MS4A6E: variants seen among roughly 807,000 people sequenced by gnomAD.
The protein encoded by MS4A6E is membrane-spanning 4-domains subfamily A member 6E.
A neutral mutation model predicts 13.2 loss-of-function variants in MS4A6E; 8 were observed. The observed-to-expected ratio is 0.60, with a 90% confidence interval of 0.35 to 1.09. The LOEUF is 1.09. Among genes scored for constraint, MS4A6E ranks in the 50% least tolerant of loss-of-function variants. The pLI, the probability that MS4A6E is intolerant of heterozygous loss-of-function variation, is 0.02. For synonymous variants in MS4A6E, 72 were observed against 67.6 expected, an observed-to-expected ratio of 1.06 and a Z score of -0.32; for missense variants, 177 against 171.1, an observed-to-expected ratio of 1.03 and a Z score of -0.19.
At chr11:60,343,378 C>T (rs142812260), downstream of MS4A6E, among the ~76,000 whole-genome samples, 1 of 152,080 alleles carries the variant, frequency 6.6e-6, no homozygotes, top group Non-Finnish European at 1.5e-5. Context: ...ATTAATTCTA[C>T]TATAAAGATT....
downstream of MS4A6E, among the ~76,000 whole-genome samples, chr11:60,346,221 A>C (rs1434314580): frequency 6.6e-6 from 1 of 152,174 alleles, no homozygotes; most frequent in Admixed American, 6.5e-5. Flanking sequence ...TCCTTCTTAA[A>C]GTGCCCTGAC....
rs1415943658 is a variant in MS4A6E at position 60,332,738 on chromosome 11, G to A, written c.-14-2144G>A. Among the ~76,000 whole-genome samples, 6 of 152,108 alleles carry A rather than the reference G, an allele frequency of 3.9e-5. No homozygotes were observed. The East Asian group carries it at 1.2e-3, about 29-fold the overall frequency. On this transcript the variant is annotated intron_variant, in intron 1 of 4. Coordinates refer to ENST00000684409, the MANE Select transcript of MS4A6E (RefSeq NM_139249.4). ...TTAGTTGACCCAAAATCATAATTTG[G>A]ACAGAGATATTTCAAGACATTTTCA...
At chr11:60,337,026 A>C (rs1475087822) in intron 2 of MS4A6E, among the ~76,000 whole-genome samples, 1 of 152,050 alleles carries the variant, frequency 6.6e-6, no homozygotes, top group Non-Finnish European at 1.5e-5. Flanking sequence ...CCAGGCCTTT[A>C]TTCTGTACCT....
chr11:60,344,892 GTTTT>G (rs1282639871), downstream of MS4A6E, among the ~76,000 whole-genome samples: 2 of 141,726 alleles, frequency 1.4e-5, no homozygotes, highest in Non-Finnish European at 3.1e-5. Flanking sequence ...TTTCCTGGTG[GTTTT>G]TGTTTGTTTG....
chr11:60,338,898 G>C (rs1429672993), intron 3 of MS4A6E, among the ~76,000 whole-genome samples: 2 of 152,158 alleles, frequency 1.3e-5, no homozygotes, highest in African/African-American at 2.4e-5. Flanking sequence ...ATGCAAATGA[G>C]GCTGACAGTA....
downstream of MS4A6E, among the ~76,000 whole-genome samples, chr11:60,342,170 T>TGTGG (rs2085229739): frequency 3.1e-5 from 1 of 31,856 alleles, no homozygotes; most frequent in Admixed American, 4.1e-4. Flanking sequence ...TGTGTGTGTG[T>TGTGG]GTGTGTGTGA....
chr11:60,329,116 T>C (rs896435025), intron 1 of MS4A6E, among the ~76,000 whole-genome samples: 1 of 152,138 alleles, frequency 6.6e-6, no homozygotes, highest in Non-Finnish European at 1.5e-5. Context: ...CTACATTAGG[T>C]ATTTCTCCTA....
downstream of MS4A6E, among the ~76,000 whole-genome samples, chr11:60,344,083 A>G (rs979999079): frequency 6.6e-6 from 1 of 152,204 alleles, no homozygotes; most frequent in Admixed American, 6.5e-5. Context: ...TACATGCTCA[A>G]CCAACTCAGA....
At position 60,339,876 on chromosome 11, in the gene MS4A6E, C is replaced by G; in HGVS notation, c.365C>G (p.Ser122Cys). The change falls in exon 4 of 5, where the codon TCT (serine) becomes TGT (cysteine). Residue 122 changes from serine to cysteine, a missense_variant. By Grantham distance (112) the Ser-to-Cys change is moderately radical. Transcript: ENST00000684409. ...RAKASLAGTL[S>C]LMLVSTVLEF... ...TTTCTTGACTTTCAGGGAACTCTGT[C>G]TCTGATGCTGGTTTCTACTGTGTTG... The G allele has an allele frequency of 6.2e-7, 1 of 1,613,646 alleles. No individual in the cohort carries two copies. Among genetic ancestry groups the G allele is most frequent in the African/African-American group, 1.3e-5 (1 of 75,024 alleles).
In MS4A6E at chr11:60,334,867, T is replaced by C; in HGVS notation, c.-14-15T>C. 16 of 1,611,778 alleles carry C rather than the reference T, an allele frequency of 9.9e-6. No individual in the cohort carries two copies. Among genetic ancestry groups the C allele is most frequent in the Non-Finnish European group, 1.4e-5 (16 of 1,178,538 alleles). On this transcript the variant is annotated splice_polypyrimidine_tract_variant and intron_variant, in intron 1 of 4. Transcript: ENST00000684409. ...TCTGTACTTTTAAGAGCTAAATCTA[T>C]TTTTTCTTCCGTAGTTGGCAACACC... is the stretch of plus-strand genomic sequence containing the variant.
At position 60,340,902 on chromosome 11, in the gene MS4A6E, A is replaced by T. The variant is rs1318892094; in HGVS notation, c.*136A>T. The T allele has an allele frequency of 1.9e-5, 3 of 154,298 alleles. No homozygotes were observed. The Admixed American group carries it at 1.9e-4, about 10-fold the overall frequency. The allele number at this position is 154,298 out of a possible 1,614,324, so 9.6% of individuals were successfully genotyped here. On this transcript the variant is annotated 3_prime_UTR_variant, in exon 5 of 5. Transcript: ENST00000684409. ...ATAATATGGAAAACCTAACCATTATAAAAAAGCAAACTTGAGTTTCCTAAA... is the reference window on the plus strand; with the variant it reads ...ATAATATGGAAAACCTAACCATTATTAAAAAGCAAACTTGAGTTTCCTAAA...
At position 60,334,976 on chromosome 11, in the gene MS4A6E, C is replaced by T. The variant is rs753647961; in HGVS notation, c.81C>T (p.Pro27=). The change falls in exon 2 of 5, where the codon CCC becomes CCT. Residue 27 remains proline (P), a synonymous_variant. Transcript: ENST00000684409. ...NVINFSQAEK[P]EPTNQGQDSL... ...TCAACTTCTCCCAAGCAGAGAAACC[C>T]GAACCCACCAACCAGGGGCAGGATA... 1.9e-5 allele frequency: 30 copies of T among 1,614,122 alleles called. No individual in the cohort carries two copies. Among genetic ancestry groups the T allele is most frequent in the South Asian group, 9.9e-5 (9 of 91,076 alleles).
intron 4 of MS4A6E, among the ~76,000 whole-genome samples, chr11:60,346,604 G>GAA (rs2085256927): frequency 6.6e-6 from 1 of 152,164 alleles, no homozygotes; most frequent in South Asian, 2.1e-4. Context: ...GGACAGTTTA[G>GAA]AATAATTAAA....
In MS4A6E at chr11:60,341,121, A is replaced by G. The variant is rs1005127156; in HGVS notation, c.*355A>G. On this transcript the variant is annotated 3_prime_UTR_variant, in exon 5 of 5. Coordinates refer to ENST00000684409, the MANE Select transcript of MS4A6E (RefSeq NM_139249.4). ...GAAAACTAGGCAGAATGATGATTCA[A>G]TGGATCACAGTGAGGCAAAGGATAC... 9.8e-5 allele frequency among the ~76,000 whole-genome samples: 15 copies of G among 152,292 alleles called. No homozygotes were observed. The highest frequency in any genetic ancestry group is 6.5e-4 in the Admixed American group (10 of 15,286).
At chr11:60,343,262 C>G (rs2085239784), downstream of MS4A6E, among the ~76,000 whole-genome samples, 1 of 152,198 alleles carries the variant, frequency 6.6e-6, no homozygotes, top group Admixed American at 6.5e-5. Flanking sequence ...ACCTGTTAGC[C>G]ATTTTAATGG....
intron 1 of MS4A6E, among the ~76,000 whole-genome samples, chr11:60,331,651 C>T (rs1244513529): frequency 6.6e-6 from 1 of 152,136 alleles, no homozygotes; most frequent in Admixed American, 6.5e-5. Context: ...AACATAATAA[C>T]AGTTTATTTC....
downstream of MS4A6E, among the ~76,000 whole-genome samples, chr11:60,345,097 G>A (rs2085249947): frequency 1.3e-5 from 2 of 151,940 alleles, no homozygotes; most frequent in African/African-American, 4.8e-5. Context: ...ACCACACCAG[G>A]CTAATTTTTT....
chr11:60,328,874 C>T (rs1022548242), intron 1 of MS4A6E, among the ~76,000 whole-genome samples: 10 of 152,000 alleles, frequency 6.6e-5, no homozygotes, highest in South Asian at 2.1e-4. Flanking sequence ...AGTACAAAGA[C>T]GATAGTTAAT....
At chr11:60,331,070 A>G (rs77655138) in intron 1 of MS4A6E, among the ~76,000 whole-genome samples, 1 of 152,164 alleles carries the variant, frequency 6.6e-6, no homozygotes, top group Non-Finnish European at 1.5e-5. Context: ...CTCTATATGT[A>G]TCTCATAATA....
Sources: gnomAD v4.1 joint callset for allele counts (sites outside exome capture counted in the v4.1 genomes callset) on GRCh38, gnomAD v4.1.1 for gene constraint, MANE v1.5 for transcripts, NCBI Gene and HGNC (gene_info 2026-07-23, HGNC 2026-07-21) for gene names.